The following BMP6 variants were observed in gnomAD, a reference collection of about 807,000 sequenced individuals.
The protein encoded by BMP6 is VG-1-R.
In BMP6, 17 loss-of-function variants were observed where a neutral mutation model predicts 54.1. The observed-to-expected ratio is 0.31, with a 90% confidence interval of 0.22 to 0.47. BMP6 has a LOEUF of 0.47. Among genes scored for constraint, BMP6 ranks in the 20% least tolerant of loss-of-function variants. The pLI is 1.00. For synonymous variants in BMP6, 328 were observed against 291.2 expected (o/e 1.13, Z -1.28); for missense variants, 720 against 690.4 (o/e 1.04, Z -0.48).
At chr6:7,752,567 T>TTC (rs899742355) in intron 1 of BMP6, among the ~76,000 whole-genome samples, 11 of 151,972 alleles carry the variant, frequency 7.2e-5, no homozygotes, top group Non-Finnish European at 7.4e-5. Flanking sequence ...AGGTTTTTTT[T>TTC]TTTTTTTTTT....
chr6:7,875,333 T>G (rs1759596768), intron 4 of BMP6, among the ~76,000 whole-genome samples: 1 of 152,166 alleles, frequency 6.6e-6, no homozygotes, highest in South Asian at 2.1e-4. Flanking sequence ...GTCTACTGAC[T>G]CAAATACTTA....
intron 1 of BMP6, among the ~76,000 whole-genome samples, chr6:7,818,519 C>T (rs1363370704): frequency 3.3e-5 from 5 of 152,300 alleles, no homozygotes; most frequent in African/African-American, 2.4e-5. Flanking sequence ...TGCACATTGT[C>T]GACATAGATA....
At position 7,862,348 on chromosome 6, in the gene BMP6, C is replaced by A; in HGVS notation, c.1054C>A (p.Pro352Thr). The change falls in exon 4 of 7, where the codon CCT becomes ACT. Residue 352 changes from proline to threonine, a missense_variant. By Grantham distance (38) the Pro-to-Thr change is conservative. Coordinates refer to ENST00000283147, the MANE Select transcript of BMP6 (RefSeq NM_001718.6). The part of the protein sequence containing the change: ...RAAGLVGRDG[P>T]YDKQPFMVAF... ...CGCAGGCCTGGTGGGCAGAGACGGC[C>A]CTTACGACAAGCAGCCCTTCATGGT... 4.3e-6 allele frequency: 7 copies of A among 1,614,218 alleles called. No homozygotes were observed. The highest frequency in any genetic ancestry group is 5.9e-6 in the Non-Finnish European group (7 of 1,180,038).
chr6:7,737,329 T>G (rs1761970109), intron 1 of BMP6, among the ~76,000 whole-genome samples: 1 of 152,038 alleles, frequency 6.6e-6, no homozygotes, highest in Non-Finnish European at 1.5e-5. Context: ...AAAAGAGAAG[T>G]GATATCCATG....
At chr6:7,727,957 C>T (rs779010915) in intron 1 of BMP6, among the ~76,000 whole-genome samples, 1 of 152,076 alleles carries the variant, frequency 6.6e-6, no homozygotes. Flanking sequence ...CAGCTCTGGC[C>T]AGGTTAACTC....
At chr6:7,755,607 A>G (rs1327195408) in intron 1 of BMP6, among the ~76,000 whole-genome samples, 12 of 152,062 alleles carry the variant, frequency 7.9e-5, no homozygotes, top group Non-Finnish European at 1.6e-4. Context: ...TCTCTTACGT[A>G]TACCCACCTA....
chr6:7,865,391 A>G (rs1263871950), intron 4 of BMP6, among the ~76,000 whole-genome samples: 1 of 152,198 alleles, frequency 6.6e-6, no homozygotes. Flanking sequence ...CCCCCAAGAA[A>G]GAATGACGAT....
chr6:7,769,511 G>A (rs1483469297), intron 1 of BMP6, among the ~76,000 whole-genome samples: 3 of 152,236 alleles, frequency 2.0e-5, no homozygotes, highest in East Asian at 1.9e-4. Flanking sequence ...TTGACCTTAC[G>A]CCCTTGTTAA....
intron 1 of BMP6, among the ~76,000 whole-genome samples, chr6:7,829,377 A>T (rs1387882058): frequency 2.0e-5 from 3 of 152,030 alleles, no homozygotes; most frequent in Admixed American, 2.0e-4. Context: ...AAAAACCTTG[A>T]TGGTAGGGAT....
chr6:7,768,788 C>T (rs576648420), intron 1 of BMP6, among the ~76,000 whole-genome samples: 8 of 152,252 alleles, frequency 5.3e-5, no homozygotes, highest in Admixed American at 2.6e-4. Flanking sequence ...TTACTTTGAG[C>T]GGGAAAGGAA....
At chr6:7,766,850 T>C (rs1223163405) in intron 1 of BMP6, among the ~76,000 whole-genome samples, 2 of 152,114 alleles carry the variant, frequency 1.3e-5, no homozygotes, top group Admixed American at 6.5e-5. Flanking sequence ...TTCAAAAAAG[T>C]CAAACAAAAT....
At chr6:7,731,665 G>A (rs1761861429) in intron 1 of BMP6, among the ~76,000 whole-genome samples, 1 of 152,176 alleles carries the variant, frequency 6.6e-6, no homozygotes, top group Non-Finnish European at 1.5e-5. Flanking sequence ...TGGAAGATTT[G>A]ATTATTTAGA....
intron 1 of BMP6, among the ~76,000 whole-genome samples, chr6:7,809,775 T>C (rs956623315): frequency 4.6e-5 from 7 of 152,244 alleles, no homozygotes; most frequent in Admixed American, 6.5e-5. Context: ...GAATTCATAC[T>C]GCGTTCAGCT....
Position 7,859,681 on chromosome 6 carries a change from C to G in BMP6, c.858-1770C>G, listed in dbSNP as rs368083388. 4.7e-3 allele frequency among the ~76,000 whole-genome samples: 708 copies of G among 152,100 alleles called. 10 individuals are homozygous for G. The highest frequency in any genetic ancestry group is 0.016 in the African/African-American group (667 of 41,460). On this transcript the variant is annotated intron_variant, in intron 2 of 6. Coordinates refer to ENST00000283147, the MANE Select transcript of BMP6 (RefSeq NM_001718.6). ...TGTTTTCCATGGACACCCCCCGCACCCCCCGCAATCTCCCTGCTCACAGTT... is the reference window on the plus strand; with the variant it reads ...TGTTTTCCATGGACACCCCCCGCACGCCCCGCAATCTCCCTGCTCACAGTT...
chr6:7,868,280 A>G (rs1028447547), intron 4 of BMP6, among the ~76,000 whole-genome samples: 5 of 152,202 alleles, frequency 3.3e-5, no homozygotes, highest in African/African-American at 1.2e-4. Flanking sequence ...TCCAAATTAT[A>G]AACAAAATCT....
chr6:7,833,362 A>G (rs1267879127), intron 1 of BMP6, among the ~76,000 whole-genome samples: 1 of 152,212 alleles, frequency 6.6e-6, no homozygotes, highest in African/African-American at 2.4e-5. Flanking sequence ...AAGTAAAAGC[A>G]ACAAGAGTTG....
chr6:7,849,626 C>T (rs369435907), intron 2 of BMP6, among the ~76,000 whole-genome samples: 9 of 152,120 alleles, frequency 5.9e-5, no homozygotes, highest in Admixed American at 2.6e-4. Context: ...TTTTCTTCTA[C>T]GTTTTTTACT....
intron 2 of BMP6, 79 bp from the exon 3 acceptor site, chr6:7,861,372 C>T: frequency 1.3e-6 from 2 of 1,551,878 alleles, no homozygotes; most frequent in East Asian, 4.5e-5. Context: ...CATGTTTTAT[C>T]CTGACGCTGA....
chr6:7,807,912 A>G (rs900373782), intron 1 of BMP6, among the ~76,000 whole-genome samples: 1 of 107,292 alleles, frequency 9.3e-6, no homozygotes, highest in African/African-American at 3.5e-5. Context: ...GGAAGTCTTT[A>G]CTTTTTTTTT....
Sources: allele counts gnomAD v4.1 joint callset (sites outside exome capture counted in the v4.1 genomes callset), GRCh38; gene constraint gnomAD v4.1.1; transcripts MANE v1.5; gene names NCBI Gene and HGNC (gene_info 2026-07-23, HGNC 2026-07-21).